Variants in CD151 observed in about 807,000 individuals in gnomAD.
The protein encoded by CD151 is CD151 antigen.
In CD151, 20 loss-of-function variants were observed where a neutral mutation model predicts 34.2. The observed-to-expected ratio is 0.58, with a 90% CI of 0.41 to 0.85. The LOEUF (loss-of-function observed/expected upper bound fraction) is 0.85. CD151 is among the 40% of genes least tolerant of loss of function. The probability of loss-of-function intolerance (pLI) is 0.00; values close to 1 mark genes in which losing one functional copy is unlikely to be tolerated. For synonymous variants in CD151, 157 were observed against 131.7 expected (o/e 1.19, Z -1.32); for missense variants, 306 against 324.5 (o/e 0.94, Z 0.44).
chr11:838,606 C>T lies in CD151; in HGVS notation c.*414C>T. On this transcript the variant is annotated 3_prime_UTR_variant, in exon 9 of 9. Coordinates refer to ENST00000397420, the MANE Select transcript of CD151 (RefSeq NM_004357.5). ...GCCAGGTGAGCTCTGACCCTTGGGC[C>T]TGGGCCTCTGCCCCTCCCAACCCAG... The T allele has an allele frequency of 3.8e-6, 1 of 264,826 alleles. No individual in the cohort carries two copies. The highest frequency in any genetic ancestry group is 7.4e-6 in the Non-Finnish European group (1 of 135,536). 16.4% of individuals were successfully genotyped at this position (264,826 alleles called of 1,614,324 possible).
Position 838,358 on chromosome 11 carries a change from A to T in CD151, c.*166A>T. 28 of 557,534 alleles carry T rather than the reference A, an allele frequency of 5.0e-5. No homozygotes were observed. The highest frequency in any genetic ancestry group is 6.1e-5 in the East Asian group (2 of 32,680). The allele number at this position is 557,534 out of a possible 1,614,324, so 34.5% of individuals were successfully genotyped here. ...TGCCTTTTGCTGCGCACCAATGCCC[A>T]GCAGGGGAGGTGAGGGGGGCTGGCG... On this transcript the variant is annotated 3_prime_UTR_variant, in exon 9 of 9. Coordinates refer to ENST00000397420, the MANE Select transcript of CD151 (RefSeq NM_004357.5).
chr11:833,825 C>CATCGGTGGCAGACGCACACCCCCA (rs1846647913), intron 1 of CD151, among the ~76,000 whole-genome samples: 1 of 78,238 alleles, frequency 1.3e-5, no homozygotes, highest in Non-Finnish European at 2.8e-5. Flanking sequence ...CACCCCGCCC[C>CATCGGTGGCAGACGCACACCCCCA]CCGGTGGCAG....
intron 1 of CD151, chr11:834,215 T>A (rs1246291007): frequency 6.6e-6 from 1 of 152,112 alleles, no homozygotes; most frequent in Non-Finnish European, 1.5e-5. Context: ...AAACATTAGC[T>A]GGGCGTGGTG....
intron 7 of CD151, 71 bp downstream of exon 7, chr11:837,689 G>T: frequency 6.7e-7 from 1 of 1,492,386 alleles, no homozygotes; most frequent in South Asian, 1.2e-5. Flanking sequence ...GACTGGCTGT[G>T]GGCAGTGGGA....
intron 5 of CD151, 188 bp downstream of exon 5, chr11:837,031 G>A: frequency 1.5e-6 from 1 of 660,330 alleles, no homozygotes; most frequent in South Asian, 1.8e-5. Flanking sequence ...AGGTGTCCAG[G>A]GGATCCAGAA....
chr11:836,192 C>G, intron 3 of CD151, 39 bp downstream of exon 3: 2 of 1,551,418 alleles, frequency 1.3e-6, no homozygotes, highest in Non-Finnish European at 1.8e-6. Flanking sequence ...CCACCCCCAC[C>G]CCTCCCGGGC....
chr11:838,387 C>T lies in CD151; in HGVS notation c.*195C>T, dbSNP rs569611178. 6.6e-5 allele frequency: 33 copies of T among 503,752 alleles called. No homozygotes were observed. The highest frequency in any genetic ancestry group is 4.7e-4 in the African/African-American group (24 of 50,548). The allele number at this position is 503,752 out of a possible 1,614,324, so 31.2% of individuals were successfully genotyped here. A position where few individuals can be genotyped will look rare whatever the true frequency, so the allele number is the denominator to read the frequency against. On this transcript the variant is annotated 3_prime_UTR_variant, in exon 9 of 9. Transcript: ENST00000397420. ...GGGGAGGTGAGGGGGGCTGGCGGGG[C>T]GAAGTTTGGGGGGTGTTTTGTGGGG...
intron 1 of CD151, among the ~76,000 whole-genome samples, chr11:833,822 C>CAGACGCACACCA (rs1565115662): frequency 5.5e-5 from 1 of 18,138 alleles, no homozygotes; most frequent in Admixed American, 8.6e-4. Flanking sequence ...GCACACCCCG[C>CAGACGCACACCA]CCCCCGGTGG....
Position 836,754 on chromosome 11 carries a change from T to A in CD151, c.277-15T>A. On this transcript the variant is annotated splice_polypyrimidine_tract_variant and intron_variant, in intron 4 of 8. Transcript: ENST00000397420. ...AGGCCTCAGAACAAGGGTGCCCTTGTGCTGCCCCCCCCAGTACTTCATCCT... is the reference window on the plus strand; with the variant it reads ...AGGCCTCAGAACAAGGGTGCCCTTGAGCTGCCCCCCCCAGTACTTCATCCT... 6.2e-7 allele frequency: 1 copy of A among 1,612,382 alleles called. No homozygotes were observed. The highest frequency in any genetic ancestry group is 8.5e-7 in the Non-Finnish European group (1 of 1,179,680).
intron 3 of CD151, 43 bp downstream of exon 3, chr11:836,196 C>CCCCCGGGCCCCG: frequency 6.6e-7 from 1 of 1,515,694 alleles, no homozygotes; most frequent in Non-Finnish European, 9.1e-7. Context: ...CCCCACCCCT[C>CCCCCGGGCCCCG]CCGGGCCACC....
chr11:836,011 C>A, intron 2 of CD151, 52 bp from the exon 3 acceptor site: 2 of 1,093,424 alleles, frequency 1.8e-6, no homozygotes, highest in Non-Finnish European at 2.8e-6. Flanking sequence ...ATCCGTCTCC[C>A]AGTCAGGGGC....
At chr11:837,397 T>TC (rs767293910) in intron 6 of CD151, 43 bp downstream of exon 6, 42 of 1,606,792 alleles carry the variant, frequency 2.6e-5, no homozygotes, top group Non-Finnish European at 3.4e-5. Context: ...CCCCAGGGCC[T>TC]CCCTGGACCT....
At position 838,402 on chromosome 11, in the gene CD151, G is replaced by A. The variant is rs1305124140; in HGVS notation, c.*210G>A. 5 of 591,188 alleles carry A rather than the reference G, an allele frequency of 8.5e-6. No homozygotes were observed. The highest frequency in any genetic ancestry group is 1.5e-5 in the Non-Finnish European group (5 of 331,294). The allele number at this position is 591,188 out of a possible 1,614,324, so 36.6% of individuals were successfully genotyped here. On this transcript the variant is annotated 3_prime_UTR_variant, in exon 9 of 9. Coordinates refer to ENST00000397420, the MANE Select transcript of CD151 (RefSeq NM_004357.5). ...GCTGGCGGGGCGAAGTTTGGGGGGT[G>A]TTTTGTGGGGCTCCCCAGACACACT... is the stretch of plus-strand genomic sequence containing the variant.
rs143711290 is a variant in CD151 at position 836,914 on chromosome 11, C to A, written c.351+71C>A. 116 of 1,365,838 alleles carry A rather than the reference C, an allele frequency of 8.5e-5. No homozygotes were observed. In the African/African-American group the frequency reaches 1.4e-3, roughly 17 times the overall value. 84.6% of individuals were successfully genotyped at this position (1,365,838 alleles called of 1,614,324 possible). A position where few individuals can be genotyped will look rare whatever the true frequency, so the allele number is the denominator to read the frequency against. On this transcript the variant is annotated intron_variant, in intron 5 of 8. Transcript: ENST00000397420. ...CGGGGCGGACACACACACATGCACACGCGTGGCTAGCCCCAACCCCCACCC... is the reference window on the plus strand; with the variant it reads ...CGGGGCGGACACACACACATGCACAAGCGTGGCTAGCCCCAACCCCCACCC...
chr11:835,978 C>G (rs559346414), intron 2 of CD151, 85 bp from the exon 3 acceptor site: 1 of 796,504 alleles, frequency 1.3e-6, no homozygotes, highest in African/African-American at 1.7e-5. Context: ...TGAGCCACCG[C>G]GCCTGGCCCT....
chr11:836,870 A>C lies in CD151; in HGVS notation c.351+27A>C, dbSNP rs1292214251. 7.5e-6 allele frequency: 12 copies of C among 1,600,972 alleles called. No homozygotes were observed. The East Asian group carries it at 2.5e-4, about 33-fold the overall frequency. On this transcript the variant is annotated intron_variant, in intron 5 of 8. Coordinates refer to ENST00000397420, the MANE Select transcript of CD151 (RefSeq NM_004357.5). ...TGAGGGGCCTGGGCAGGCCATTCAG[A>C]GACACAGACATGCACAGGCGGGGCG...
chr11:834,870 C>T (rs1192612415), intron 2 of CD151: 1 of 152,816 alleles, frequency 6.5e-6, no homozygotes, highest in East Asian at 1.9e-4. Flanking sequence ...CCTCCACGCT[C>T]CATTCTCCCC....
At chr11:835,719 A>G (rs7127272) in intron 2 of CD151, 63,091 of 206,936 alleles carry the variant, frequency 0.3, 10,625 homozygotes, top group South Asian at 0.51. Flanking sequence ...ATGGAGTCTC[A>G]CTCTGTCGCC....
rs573935113 is a variant in CD151 at position 836,590 on chromosome 11, C to G, written c.276+148C>G. The G allele has an allele frequency of 1.1e-3, 951 of 834,598 alleles. No homozygotes were observed. The highest frequency in any genetic ancestry group is 1.6e-3 in the Non-Finnish European group (855 of 532,306). The allele number at this position is 834,598 out of a possible 1,614,324, so 51.7% of individuals were successfully genotyped here. On this transcript the variant is annotated intron_variant, in intron 4 of 8. Coordinates refer to ENST00000397420, the MANE Select transcript of CD151 (RefSeq NM_004357.5). The stretch of plus-strand genomic sequence containing the variant: ...ACCTGCCTAGTCCTGTGGGTCCCCA[C>G]GTTCCTGCTGGACCAGCTGAGGGAA...
Sources: allele counts gnomAD v4.1 joint callset (sites outside exome capture counted in the v4.1 genomes callset), GRCh38; gene constraint gnomAD v4.1.1; transcripts MANE v1.5; gene names NCBI Gene and HGNC (gene_info 2026-07-23, HGNC 2026-07-21).